Variants in MRPS6 observed in about 807,000 individuals in gnomAD.
MRPS6 encodes the protein small ribosomal subunit protein bS6m.
In MRPS6, 6 loss-of-function variants were observed where a neutral mutation model predicts 13.1. That is an observed-to-expected ratio of 0.46 (90% CI 0.25 to 0.91). The LOEUF (loss-of-function observed/expected upper bound fraction) is 0.91, where lower values mean the gene tolerates loss of function less well. Ranked by LOEUF, MRPS6 falls within the 40% of genes least tolerant of loss-of-function variation. The pLI, the probability that MRPS6 is intolerant of heterozygous loss-of-function variation, is 0.18. For synonymous variants in MRPS6, 61 were observed against 56.5 expected (o/e 1.08, Z -0.36); for missense variants, 164 against 155.6 (o/e 1.05, Z -0.29).
intron 1 of MRPS6, among the ~76,000 whole-genome samples, chr21:34,114,130 A>T (rs1172184926): frequency 1.3e-5 from 2 of 151,968 alleles, no homozygotes; most frequent in African/African-American, 4.8e-5. Flanking sequence ...CTGAAGGGGG[A>T]TGGGGAGTAT....
intron 1 of MRPS6, among the ~76,000 whole-genome samples, chr21:34,107,714 GTTA>G (rs1349662842): frequency 2.0e-5 from 3 of 152,250 alleles, no homozygotes; most frequent in African/African-American, 4.8e-5. Context: ...TGTTCAGTGA[GTTA>G]TTATTCATTA....
At chr21:34,079,398 G>A (rs1267545211) in intron 1 of MRPS6, among the ~76,000 whole-genome samples, 1 of 151,928 alleles carries the variant, frequency 6.6e-6, no homozygotes, top group Non-Finnish European at 1.5e-5. Flanking sequence ...TTCTTATGCT[G>A]CTGTTTTCTG....
chr21:34,132,922 C>CGTTA (rs1034494666), intron 2 of MRPS6, among the ~76,000 whole-genome samples: 2 of 152,170 alleles, frequency 1.3e-5, no homozygotes, highest in Non-Finnish European at 2.9e-5. Flanking sequence ...AATGACTTAA[C>CGTTA]CTTTTTGAGT....
At chr21:34,135,694 T>G in intron 2 of MRPS6, 1 of 386,566 alleles carries the variant, frequency 2.6e-6, no homozygotes, top group Middle Eastern at 4.2e-4. Flanking sequence ...GGGACCACCA[T>G]TGATGATGGT....
intron 1 of MRPS6, among the ~76,000 whole-genome samples, chr21:34,118,845 A>G (rs747815930): frequency 2.8e-4 from 43 of 152,078 alleles, no homozygotes; most frequent in Non-Finnish European, 4.4e-4. Flanking sequence ...TGGCCTATAT[A>G]ATATGATTCA....
intron 1 of MRPS6, among the ~76,000 whole-genome samples, chr21:34,116,969 A>G (rs1469351245): frequency 6.6e-6 from 1 of 152,086 alleles, no homozygotes; most frequent in East Asian, 1.9e-4. Context: ...GCTCTGCAGA[A>G]CCTTCCGACC....
intron 2 of MRPS6, among the ~76,000 whole-genome samples, chr21:34,134,773 A>G (rs1293486304): frequency 6.6e-6 from 1 of 152,088 alleles, no homozygotes; most frequent in African/African-American, 2.4e-5. Flanking sequence ...CAAATACCCA[A>G]ACAACCAGTC....
At chr21:34,082,318 A>G (rs1034466968) in intron 1 of MRPS6, among the ~76,000 whole-genome samples, 1 of 152,152 alleles carries the variant, frequency 6.6e-6, no homozygotes, top group Non-Finnish European at 1.5e-5. Flanking sequence ...GTTGGGTTGT[A>G]TATGTGCATT....
At chr21:34,113,192 T>G (rs914335973) in intron 1 of MRPS6, among the ~76,000 whole-genome samples, 1 of 152,220 alleles carries the variant, frequency 6.6e-6, no homozygotes, top group South Asian at 2.1e-4. Context: ...TCTCAAAATA[T>G]TAAAAATAGG....
chr21:34,107,197 G>A (rs374265372), intron 1 of MRPS6, among the ~76,000 whole-genome samples: 1 of 152,192 alleles, frequency 6.6e-6, no homozygotes, highest in African/African-American at 2.4e-5. Flanking sequence ...TTCCCAAAGT[G>A]CTGGGATTAC....
rs565851375 is a variant in MRPS6 at position 34,142,563 on chromosome 21, C to A, written c.341C>A (p.Ala114Glu). 1.2e-6 allele frequency: 2 copies of A among 1,605,740 alleles called. No individual in the cohort carries two copies. Among genetic ancestry groups the A allele is most frequent in the Non-Finnish European group, 1.7e-6 (2 of 1,177,630 alleles). ...ECEGIVPVPL[A>E]EKLYSTKKRK... Reference sequence around the variant, plus strand: ...GAAGGGATTGTCCCAGTCCCACTCGCAGAAAAATTATATTCCACAAAGAAG... The same window carrying A: ...GAAGGGATTGTCCCAGTCCCACTCGAAGAAAAATTATATTCCACAAAGAAG... Residue 114 changes from alanine (A) to glutamate (E), a missense_variant, in exon 3 of 3, where the codon GCA (alanine) becomes GAA (glutamate). Coordinates refer to ENST00000399312, the MANE Select transcript of MRPS6 (RefSeq NM_032476.4).
intron 1 of MRPS6, among the ~76,000 whole-genome samples, chr21:34,075,950 C>T (rs1160690575): frequency 1.3e-5 from 2 of 152,178 alleles, no homozygotes; most frequent in Non-Finnish European, 2.9e-5. Context: ...AGTTCTAACC[C>T]GAGGCACTTT....
intron 1 of MRPS6, among the ~76,000 whole-genome samples, chr21:34,112,718 C>T (rs1253479040): frequency 1.3e-5 from 2 of 152,144 alleles, no homozygotes; most frequent in African/African-American, 2.4e-5. Flanking sequence ...CCCAATCCCC[C>T]CTCCCCATAA....
intron 1 of MRPS6, among the ~76,000 whole-genome samples, chr21:34,080,970 C>T (rs960737397): frequency 1.4e-4 from 21 of 152,156 alleles, no homozygotes; most frequent in African/African-American, 3.9e-4. Context: ...ATCTTGTTTC[C>T]GTAAAATAAT....
intron 1 of MRPS6, chr21:34,123,237 G>A (rs540026594): frequency 2.0e-5 from 3 of 152,172 alleles, no homozygotes; most frequent in African/African-American, 7.2e-5. Flanking sequence ...AAATATAGTG[G>A]ATTTTGTTTG....
intron 1 of MRPS6, among the ~76,000 whole-genome samples, chr21:34,075,508 A>C (rs932349855): frequency 1.3e-5 from 2 of 152,214 alleles, no homozygotes; most frequent in Non-Finnish European, 2.9e-5. Flanking sequence ...AATAATAAAT[A>C]ACCTTCCTTG....
intron 1 of MRPS6, among the ~76,000 whole-genome samples, chr21:34,112,420 T>C (rs1160073848): frequency 1.5e-5 from 1 of 66,500 alleles, no homozygotes. Context: ...AGTAGCTGGA[T>C]CTTTTCAAAA....
chr21:34,096,495 C>G lies in MRPS6; in HGVS notation c.45+22750C>G. On this transcript the variant is annotated intron_variant, in intron 1 of 2. Coordinates refer to ENST00000399312, the MANE Select transcript of MRPS6 (RefSeq NM_032476.4). This position sits in a 1 kb window ranked among gnomAD's most constrained non-coding sequence, Gnocchi z 5.9. ...ATGGGTGCCAATCATCGTGGAGATG[C>G]AAGGAGGCCAGATGTACCTTTACAT... 6.2e-7 allele frequency: 1 copy of G among 1,614,114 alleles called. No homozygotes were observed. The highest frequency in any genetic ancestry group is 8.5e-7 in the Non-Finnish European group (1 of 1,180,002).
chr21:34,099,893 C>G (rs925652667), intron 1 of MRPS6: 2 of 358,332 alleles, frequency 5.6e-6, no homozygotes, highest in South Asian at 1.2e-4. Flanking sequence ...ATAATGTGCT[C>G]GAGTAAGTTT....
Sources: allele counts gnomAD v4.1 joint callset (sites outside exome capture counted in the v4.1 genomes callset), GRCh38; gene constraint gnomAD v4.1.1; non-coding constraint Gnocchi (gnomAD v3.1); transcripts MANE v1.5; gene names NCBI Gene and HGNC (gene_info 2026-07-23, HGNC 2026-07-21).